The following FSIP1 variants were observed in gnomAD, a reference collection of about 807,000 sequenced individuals.
FSIP1 encodes the protein fibrous sheath interacting protein 1.
In FSIP1, 65 loss-of-function variants were observed where a neutral mutation model predicts 60.9. The observed-to-expected ratio is 1.07, with a 90% CI of 0.87 to 1.31. The LOEUF (loss-of-function observed/expected upper bound fraction) is 1.31. Ranked by LOEUF, FSIP1 falls within the 40% of genes most tolerant of loss-of-function variation. The pLI, the probability that FSIP1 is intolerant of heterozygous loss-of-function variation, is 0.00. For missense variants in FSIP1, 675 were observed against 665.5 expected, an observed-to-expected ratio of 1.01 and a Z score of -0.16; for synonymous variants, 209 against 221.2, an observed-to-expected ratio of 0.94 and a Z score of 0.49.
chr15:39,712,169 G>GT (rs138653770), intron 10 of FSIP1, among the ~76,000 whole-genome samples: 18,846 of 151,970 alleles, frequency 0.12, 1,377 homozygotes, highest in African/African-American at 0.2. Context: ...CTCTCATTAG[G>GT]GGGCCTGAGC....
rs1423781186 is a variant in FSIP1 at position 39,600,142 on chromosome 15, T to C, written c.*738A>G. The C allele has an allele frequency of 6.6e-6, 1 of 152,210 alleles. No individual in the cohort carries two copies. Among genetic ancestry groups the C allele is most frequent in the East Asian group, 1.9e-4 (1 of 5,196 alleles). 9.4% of individuals were successfully genotyped at this position (152,210 alleles called of 1,614,324 possible). A position where few individuals can be genotyped will look rare whatever the true frequency, so the allele number is the denominator to read the frequency against. ...TAATGCCAACTCATCTTATGGAATG[T>C]CAACACAAAATTTTCTCATGAATCT... On this transcript the variant is annotated 3_prime_UTR_variant, in exon 12 of 12. Transcript: ENST00000350221.
chr15:39,629,907 A>T (rs1351673563), intron 10 of FSIP1, among the ~76,000 whole-genome samples: 1 of 152,214 alleles, frequency 6.6e-6, no homozygotes, highest in Non-Finnish European at 1.5e-5. Context: ...GTCCTGACAA[A>T]TTTCATCAGA....
intron 10 of FSIP1, among the ~76,000 whole-genome samples, chr15:39,629,494 C>T (rs1891790048): frequency 6.6e-6 from 1 of 152,182 alleles, no homozygotes; most frequent in Admixed American, 6.5e-5. Flanking sequence ...ATCCCATGTT[C>T]CACGCACAGG....
At chr15:39,647,228 TTC>T (rs1892654421) in intron 10 of FSIP1, among the ~76,000 whole-genome samples, 1 of 152,178 alleles carries the variant, frequency 6.6e-6, no homozygotes, top group Admixed American at 6.5e-5. Flanking sequence ...TTATTTGAGA[TTC>T]TTGCAAAAAG....
At chr15:39,626,981 C>A (rs1007292247) in intron 10 of FSIP1, among the ~76,000 whole-genome samples, 1 of 151,446 alleles carries the variant, frequency 6.6e-6, no homozygotes, top group Non-Finnish European at 1.5e-5. Context: ...CCCTTCCCCC[C>A]TCACCCCAAT....
chr15:39,776,078 T>A (rs933521509), intron 2 of FSIP1, among the ~76,000 whole-genome samples: 2 of 142,496 alleles, frequency 1.4e-5, no homozygotes, highest in South Asian at 4.4e-4. Flanking sequence ...CAAAGTACAG[T>A]GCAGAGAAAT....
chr15:39,748,498 A>G (rs1897067571), intron 5 of FSIP1, among the ~76,000 whole-genome samples: 1 of 152,172 alleles, frequency 6.6e-6, no homozygotes, highest in African/African-American at 2.4e-5. Context: ...CCTGACCTTT[A>G]GCAAACTTGG....
chr15:39,740,606 G>GA (rs905131128), intron 6 of FSIP1, among the ~76,000 whole-genome samples: 1 of 151,616 alleles, frequency 6.6e-6, no homozygotes, highest in African/African-American at 2.4e-5. Flanking sequence ...GTCCACAAAG[G>GA]AAAAAAACAC....
chr15:39,692,164 C>A (rs1017219375), intron 10 of FSIP1, among the ~76,000 whole-genome samples: 4 of 152,070 alleles, frequency 2.6e-5, no homozygotes, highest in Non-Finnish European at 5.9e-5. Flanking sequence ...AGGAAAGAAC[C>A]CCCAGAGGGA....
At chr15:39,772,940 T>A (rs1897938638) in intron 2 of FSIP1, among the ~76,000 whole-genome samples, 1 of 152,084 alleles carries the variant, frequency 6.6e-6, no homozygotes, top group Admixed American at 6.6e-5. Context: ...ACCTTTATCT[T>A]AATCACAGGA....
intron 10 of FSIP1, among the ~76,000 whole-genome samples, chr15:39,644,494 T>C (rs968733180): frequency 6.6e-6 from 1 of 152,170 alleles, no homozygotes; most frequent in African/African-American, 2.4e-5. Context: ...CCTGCCAGGA[T>C]GATTCTTTTC....
At chr15:39,629,491 G>C (rs1372932726) in intron 10 of FSIP1, among the ~76,000 whole-genome samples, 1 of 152,196 alleles carries the variant, frequency 6.6e-6, no homozygotes, top group Non-Finnish European at 1.5e-5. Context: ...TTCATCCCAT[G>C]TTCCACGCAC....
intron 10 of FSIP1, among the ~76,000 whole-genome samples, chr15:39,692,240 G>A (rs1358391879): frequency 6.6e-6 from 1 of 152,122 alleles, no homozygotes; most frequent in East Asian, 1.9e-4. Flanking sequence ...CACCTCACAG[G>A]AATCCTTCAG....
At chr15:39,707,942 C>G (rs76150216) in intron 10 of FSIP1, among the ~76,000 whole-genome samples, 2,499 of 152,246 alleles carry the variant, frequency 0.016, 53 homozygotes, top group African/African-American at 0.054. Context: ...TAGAGCGCCC[C>G]AACCAACAGA....
chr15:39,637,355 G>A (rs1406044950), intron 10 of FSIP1, among the ~76,000 whole-genome samples: 1 of 152,148 alleles, frequency 6.6e-6, no homozygotes, highest in Non-Finnish European at 1.5e-5. Context: ...CATTGAGAAG[G>A]CTATGGAAGG....
intron 10 of FSIP1, among the ~76,000 whole-genome samples, chr15:39,697,046 T>C (rs1384881217): frequency 2.6e-5 from 4 of 152,064 alleles, no homozygotes; most frequent in African/African-American, 9.7e-5. Flanking sequence ...TTTATATTTT[T>C]CTAGAATGCC....
chr15:39,772,878 A>T (rs1595406547), intron 2 of FSIP1, among the ~76,000 whole-genome samples: 1 of 152,168 alleles, frequency 6.6e-6, no homozygotes, highest in Non-Finnish European at 1.5e-5. Flanking sequence ...GGCGTGAGCC[A>T]CCGTGCCCAG....
intron 8 of FSIP1, among the ~76,000 whole-genome samples, chr15:39,730,095 G>A (rs921582547): frequency 1.3e-5 from 2 of 150,034 alleles, no homozygotes; most frequent in Non-Finnish European, 3.0e-5. Flanking sequence ...CTTTGTTGTG[G>A]CCTTACCAGA....
chr15:39,720,601 A>T (rs1895917518), intron 9 of FSIP1, among the ~76,000 whole-genome samples: 2 of 152,206 alleles, frequency 1.3e-5, no homozygotes, highest in African/African-American at 4.8e-5. Context: ...ATGGAATAGA[A>T]TTTACTATTG....
Sources: gnomAD v4.1 joint callset for allele counts (sites outside exome capture counted in the v4.1 genomes callset) on GRCh38, gnomAD v4.1.1 for gene constraint, MANE v1.5 for transcripts, NCBI Gene and HGNC (gene_info 2026-07-23, HGNC 2026-07-21) for gene names.